The following DARS2 variants were observed in gnomAD, a reference collection of about 807,000 sequenced individuals.
DARS2 encodes the protein aspartate--tRNA ligase, mitochondrial.
In DARS2, 63 loss-of-function variants were observed where a neutral mutation model predicts 83.0. The ratio of observed to expected loss-of-function variants is 0.76; its 90% CI spans 0.62 to 0.94. The LOEUF is 0.94. Ranked by LOEUF, DARS2 falls within the 40% of genes least tolerant of loss-of-function variation. The probability of loss-of-function intolerance (pLI) is 0.00; values close to 1 mark genes in which losing one functional copy is unlikely to be tolerated. For synonymous variants in DARS2, 250 were observed against 269.3 expected (o/e 0.93, Z 0.70); for missense variants, 675 against 774.4 (o/e 0.87, Z 1.52).
intron 15 of DARS2, 95 bp from the exon 16 acceptor site, chr1:173,856,571 C>A: frequency 8.9e-7 from 1 of 1,129,794 alleles, no homozygotes; most frequent in Non-Finnish European, 1.3e-6. Context: ...TGTTTTAAAA[C>A]TCAACTTTGT....
rs777929518 is a variant in DARS2 at position 173,838,275 on chromosome 1, C to G, written c.840+16C>G. 6.3e-7 allele frequency: 1 copy of G among 1,599,072 alleles called. No individual in the cohort carries two copies. The highest frequency in any genetic ancestry group is 8.6e-7 in the Non-Finnish European group (1 of 1,166,580). On this transcript the variant is annotated intron_variant, in intron 9 of 16. Transcript: ENST00000649689. ...GTTTACTCAGGTACAAAGTTATATTCACTTGTTTCTTAAAATTCAGGCTTA... is the reference window on the plus strand; with the variant it reads ...GTTTACTCAGGTACAAAGTTATATTGACTTGTTTCTTAAAATTCAGGCTTA...
In DARS2 at chr1:173,825,050, A is replaced by G; in HGVS notation, c.-180A>G. 2 of 803,662 alleles carry G rather than the reference A, an allele frequency of 2.5e-6. No individual in the cohort carries two copies. The highest frequency in any genetic ancestry group is 1.7e-5 in the African/African-American group (1 of 57,804). 49.8% of individuals were successfully genotyped at this position (803,662 alleles called of 1,614,324 possible). ...CCAGCAAGCACCCCAGAGACCTTGG[A>G]GATTTGTCTTGTTTCTAGACACGTG... On this transcript the variant is annotated 5_prime_UTR_variant, in exon 1 of 17. Transcript: ENST00000649689.
chr1:173,854,311 T>G (rs973133956), intron 15 of DARS2, among the ~76,000 whole-genome samples: 1 of 152,182 alleles, frequency 6.6e-6, no homozygotes, highest in Non-Finnish European at 1.5e-5. Context: ...TTTGTTATGA[T>G]TGGAGGATTC....
chr1:173,836,857 C>A, intron 7 of DARS2, 83 bp from the exon 8 acceptor site: 1 of 1,120,112 alleles, frequency 8.9e-7, no homozygotes, highest in Non-Finnish European at 1.4e-6. Flanking sequence ...ACTGAAGTAA[C>A]AACTTCTACT....
At chr1:173,838,562 G>C (rs1037032958) in intron 9 of DARS2, among the ~76,000 whole-genome samples, 3 of 151,792 alleles carry the variant, frequency 2.0e-5, no homozygotes, top group African/African-American at 7.3e-5. Context: ...CAGCAACTAA[G>C]GAATGCCAGA....
In DARS2 at chr1:173,857,593, G is replaced by A. The variant is rs780789984; in HGVS notation, c.1826G>A (p.Arg609Gln). The A allele has an allele frequency of 1.3e-5, 21 of 1,613,954 alleles. No individual in the cohort carries two copies. In the East Asian group the frequency reaches 1.3e-4, roughly 10 times the overall value. ...RDVIAFPKSF[R>Q]GHDLMSNTPD... Reference sequence around the variant, plus strand: ...GTCATAGCCTTCCCAAAGTCCTTCCGGGGACATGACCTCATGAGCAATACC... The same window carrying A: ...GTCATAGCCTTCCCAAAGTCCTTCCAGGGACATGACCTCATGAGCAATACC... Residue 609 changes from arginine to glutamine, a missense_variant, in exon 17 of 17, where the codon CGG becomes CAG. Arg to Gln is a conservative substitution (Grantham distance 43, BLOSUM62 1). Coordinates refer to ENST00000649689, the MANE Select transcript of DARS2 (RefSeq NM_018122.5).
intron 12 of DARS2, among the ~76,000 whole-genome samples, chr1:173,849,154 CT>C (rs75129689): frequency 0.014 from 1,899 of 133,586 alleles, 35 homozygotes; most frequent in African/African-American, 0.042. Context: ...TTATCTTGGT[CT>C]TTTTTTTTTT....
At chr1:173,835,791 C>T (rs1001378815) in intron 7 of DARS2, among the ~76,000 whole-genome samples, 3 of 151,892 alleles carry the variant, frequency 2.0e-5, no homozygotes, top group Non-Finnish European at 2.9e-5. Flanking sequence ...CGGTGGTTCA[C>T]GCCTGTAATC....
Position 173,856,691 on chromosome 1 carries a change from T to C in DARS2, c.1700T>C (p.Leu567Pro). ...GAGGATGTGAAAATGCTCTCCCATC[T>C]GCTCCAGGCTTTAGATTATGGGGCA... ...LKEDVKMLSH[L>P]LQALDYGAPP... The change falls in exon 16 of 17, where the codon CTG becomes CCG. Residue 567 changes from leucine to proline, a missense_variant. Leu to Pro is a moderately conservative substitution (Grantham distance 98). Coordinates refer to ENST00000649689, the MANE Select transcript of DARS2 (RefSeq NM_018122.5). 1 of 1,614,104 alleles carries C rather than the reference T, an allele frequency of 6.2e-7. No individual in the cohort carries two copies. Among genetic ancestry groups the C allele is most frequent in the Non-Finnish European group, 8.5e-7 (1 of 1,179,992 alleles).
At chr1:173,826,610 T>G in intron 1 of DARS2, 77 bp from the exon 2 acceptor site, 4 of 1,075,388 alleles carry the variant, frequency 3.7e-6, no homozygotes, top group Non-Finnish European at 5.5e-6. Flanking sequence ...TTTGAGAATT[T>G]TCATTTTTAA....
chr1:173,833,450 G>A lies in DARS2; in HGVS notation c.567G>A (p.Leu189=), dbSNP rs547708828. Residue 189 remains leucine (L), a synonymous_variant, in exon 6 of 17, where the codon CTG becomes CTA. Transcript: ENST00000649689. The stretch of plus-strand genomic sequence containing the variant: ...TCCAAATGCAGTATAACCTGCGACT[G>A]AGGTCCCAGATGGTCATGAAAATGC... The part of the protein sequence containing the change: ...RSFQMQYNLR[L]RSQMVMKMRE... 1.3e-4 allele frequency: 213 copies of A among 1,614,084 alleles called. 3 individuals are homozygous for A. In the South Asian group the frequency reaches 2.1e-3, roughly 16 times the overall value.
rs553250449 is a variant in DARS2, at chr1:173,838,130, G to A, written c.771-60G>A. The A allele has an allele frequency of 2.9e-6, 4 of 1,375,446 alleles. No individual in the cohort carries two copies. In the East Asian group the frequency reaches 6.9e-5, roughly 24 times the overall value. 85.2% of individuals were successfully genotyped at this position (1,375,446 alleles called of 1,614,324 possible). A position where few individuals can be genotyped will look rare whatever the true frequency, so the allele number is the denominator to read the frequency against. On this transcript the variant is annotated intron_variant, in intron 8 of 16. Coordinates refer to ENST00000649689, the MANE Select transcript of DARS2 (RefSeq NM_018122.5). Reference sequence around the variant, plus strand: ...AGCTTGCATTGCTTTAAACTTTTGGGGAAAAGTGTGTATGTCTTCCTAGAA... The same window carrying A: ...AGCTTGCATTGCTTTAAACTTTTGGAGAAAAGTGTGTATGTCTTCCTAGAA...
Position 173,825,092 on chromosome 1 carries a change from G to A in DARS2, c.-138G>A, listed in dbSNP as rs1207224558. 4.0e-6 allele frequency: 5 copies of A among 1,259,482 alleles called. No homozygotes were observed. The highest frequency in any genetic ancestry group is 5.7e-6 in the Non-Finnish European group (5 of 879,186). 78.0% of individuals were successfully genotyped at this position (1,259,482 alleles called of 1,614,324 possible). ...AGACACGTGTACTCCAATGTTGTGC[G>A]GAGGAGGCCTTAAATATTCGAGAAG... On this transcript the variant is annotated 5_prime_UTR_variant, in exon 1 of 17. Coordinates refer to ENST00000649689, the MANE Select transcript of DARS2 (RefSeq NM_018122.5).
At chr1:173,855,504 C>CT (rs1361687753) in intron 15 of DARS2, among the ~76,000 whole-genome samples, 1 of 152,150 alleles carries the variant, frequency 6.6e-6, no homozygotes, top group African/African-American at 2.4e-5. Flanking sequence ...GAGTCTCACT[C>CT]TGTCACCCAG....
intron 13 of DARS2, among the ~76,000 whole-genome samples, chr1:173,851,129 GTCCCAGTT>G: frequency 1.3e-5 from 2 of 151,132 alleles, no homozygotes; most frequent in Middle Eastern, 6.9e-3. Flanking sequence ...GTATTTTGTA[GTCCCAGTT>G]CCTCGGGAGG....
Position 173,826,665 on chromosome 1 carries a change from CTTTTTTT to C in DARS2, c.128-11_128-5del, listed in dbSNP as rs746151025. The C allele has an allele frequency of 9.5e-6, 12 of 1,261,052 alleles. No individual in the cohort carries two copies. Among genetic ancestry groups the C allele is most frequent in the African/African-American group, 1.7e-5 (1 of 60,220 alleles). The allele number at this position is 1,261,052 out of a possible 1,614,324, so 78.1% of individuals were successfully genotyped here. On this transcript the variant is annotated splice_polypyrimidine_tract_variant and intron_variant, in intron 1 of 16. Coordinates refer to ENST00000649689, the MANE Select transcript of DARS2 (RefSeq NM_018122.5). Reference sequence around the variant, plus strand: ...TTTTTAATCTTGCCTTTTAAAGTTTCTTTTTTTTTTTTTTTTTAAAGAATTCAGTAGC... The same window carrying C: ...TTTTTAATCTTGCCTTTTAAAGTTTCTTTTTTTTTTAAAGAATTCAGTAGC...
At chr1:173,845,642 T>G (rs1653406066) in intron 12 of DARS2, among the ~76,000 whole-genome samples, 1 of 151,898 alleles carries the variant, frequency 6.6e-6, no homozygotes, top group Non-Finnish European at 1.5e-5. Flanking sequence ...GGTGGGAGAA[T>G]CACCTGAGCC....
chr1:173,838,551 T>G (rs1653091651), intron 9 of DARS2, among the ~76,000 whole-genome samples: 1 of 152,016 alleles, frequency 6.6e-6, no homozygotes, highest in Non-Finnish European at 1.5e-5. Context: ...AAGAATGTGG[T>G]CAGCAACTAA....
At chr1:173,831,770 T>G in intron 5 of DARS2, 140 bp downstream of exon 5, 1 of 704,368 alleles carries the variant, frequency 1.4e-6, no homozygotes, top group Admixed American at 2.5e-5. Flanking sequence ...AAGTGTTCTC[T>G]TAGTTCTACA....
Sources: gnomAD v4.1 joint callset for allele counts (sites outside exome capture counted in the v4.1 genomes callset) on GRCh38, gnomAD v4.1.1 for gene constraint, MANE v1.5 for transcripts, NCBI Gene and HGNC (gene_info 2026-07-23, HGNC 2026-07-21) for gene names.